The following EPG5 variants were observed in gnomAD, a reference collection of about 807,000 sequenced individuals.
EPG5 encodes ectopic P-granules 5 autophagy tethering factor, also known as ectopic P granules protein 5 homolog.
In EPG5, 159 loss-of-function variants were observed where a neutral mutation model predicts 302.7. The ratio of observed to expected loss-of-function variants is 0.53; its 90% CI spans 0.46 to 0.60. The LOEUF (loss-of-function observed/expected upper bound fraction) is 0.60. EPG5 is among the 20% of genes least tolerant of loss of function. The pLI is 0.00. For synonymous variants in EPG5, 1,158 were observed against 1,136.8 expected (o/e 1.02, Z -0.37); for missense variants, 2,896 against 3,092.4 (o/e 0.94, Z 1.51).
At chr18:45,911,463 T>G (rs1159321623) in intron 22 of EPG5, among the ~76,000 whole-genome samples, 1 of 136,266 alleles carries the variant, frequency 7.3e-6, no homozygotes, top group Non-Finnish European at 1.5e-5. Flanking sequence ...TTTTTTTGTA[T>G]TTTTTTTTTT....
intron 1 of EPG5, among the ~76,000 whole-genome samples, chr18:45,958,848 C>T (rs1050907118): frequency 1.3e-5 from 2 of 152,200 alleles, no homozygotes; most frequent in Non-Finnish European, 2.9e-5. Flanking sequence ...TACCATCAAG[C>T]TCACACCTGG....
At chr18:45,909,841 C>G (rs2049849473) in intron 23 of EPG5, among the ~76,000 whole-genome samples, 1 of 152,190 alleles carries the variant, frequency 6.6e-6, no homozygotes, top group African/African-American at 2.4e-5. Context: ...CACCTGTAGT[C>G]TCAACTGCTC....
Position 45,943,235 on chromosome 18 carries a change from A to G in EPG5, c.1869T>C (p.Leu623=), listed in dbSNP as rs751209508. The G allele has an allele frequency of 2.1e-5, 34 of 1,614,084 alleles. No homozygotes were observed. The highest frequency in any genetic ancestry group is 1.8e-4 in the Admixed American group (11 of 60,004). Residue 623 remains leucine, a synonymous_variant, in exon 9 of 44, where the codon CTT becomes CTC. Coordinates refer to ENST00000282041, the MANE Select transcript of EPG5 (RefSeq NM_020964.3). ...TAAAGGTTTCTAACCCCACAGCCAGAAGTTCCACTAGTGAGTTGGCAAAGG... is the reference window on the plus strand; with the variant it reads ...TAAAGGTTTCTAACCCCACAGCCAGGAGTTCCACTAGTGAGTTGGCAAAGG... The part of the protein sequence containing the change: ...IFAFANSLVE[L]LAVGLETFNR...
the EPG5 span, among the ~76,000 whole-genome samples, chr18:45,824,245 C>T: frequency 1.3e-5 from 2 of 152,158 alleles, no homozygotes; most frequent in East Asian, 1.9e-4. Context: ...CTCGCTCTGT[C>T]GCCCAGGCTG....
chr18:45,857,024 T>C (rs539596404), intron 42 of EPG5, among the ~76,000 whole-genome samples: 1 of 152,264 alleles, frequency 6.6e-6, no homozygotes, highest in African/African-American at 2.4e-5. Context: ...GTTTAAGCAA[T>C]TCTCCTGCCT....
chr18:45,939,672 G>C lies in EPG5; in HGVS notation c.2027C>G (p.Ser676Cys), dbSNP rs771949556. 14 of 1,614,106 alleles carry C rather than the reference G, an allele frequency of 8.7e-6. No homozygotes were observed. The highest frequency in any genetic ancestry group is 7.6e-6 in the Non-Finnish European group (9 of 1,179,994). ...AAATTCAACCTGTAGTTTCTCCATA[G>C]AGTAGGGCTGTTGGGCCAATCCTGA... Reference protein sequence around the residue: ...QGSGLAQQPYSMEKLQVEFDE... With the variant: ...QGSGLAQQPYCMEKLQVEFDE... Residue 676 changes from serine to cysteine, a missense_variant, in exon 10 of 44, where the codon TCT (serine) becomes TGT (cysteine). Around this residue, in one of 5 missense-constraint regions of EPG5, gnomAD observed 1,390 missense variants for 1,430.0 expected, o/e 0.97. Transcript: ENST00000282041.
intron 18 of EPG5, 45 bp downstream of exon 18, chr18:45,916,393 G>T: frequency 6.4e-7 from 1 of 1,553,110 alleles, no homozygotes; most frequent in South Asian, 1.1e-5. Context: ...GGTCTTGGTT[G>T]GGAAGACAGG....
chr18:45,841,274 CCA>C, the EPG5 span, among the ~76,000 whole-genome samples: 4 of 151,876 alleles, frequency 2.6e-5, no homozygotes, highest in African/African-American at 9.7e-5. Context: ...CGGTGGAGTT[CCA>C]GAGAGCAAGC....
chr18:45,867,054 C>T lies in EPG5; in HGVS notation c.6412-47G>A, dbSNP rs749610774. The T allele has an allele frequency of 7.6e-6, 11 of 1,439,736 alleles. No individual in the cohort carries two copies. The Admixed American group carries it at 1.0e-4, about 14-fold the overall frequency. 89.2% of individuals were successfully genotyped at this position (1,439,736 alleles called of 1,614,324 possible). On this transcript the variant is annotated intron_variant, in intron 37 of 43. Coordinates refer to ENST00000282041, the MANE Select transcript of EPG5 (RefSeq NM_020964.3). Reference sequence around the variant, plus strand: ...CTTTAGTTCCAGAGCCCCAATTTTTCCAGAAATATGTGTTGCTAACTAGTC... The same window carrying T: ...CTTTAGTTCCAGAGCCCCAATTTTTTCAGAAATATGTGTTGCTAACTAGTC...
At chr18:45,897,489 T>C (rs1369499915) in intron 27 of EPG5, among the ~76,000 whole-genome samples, 1 of 152,224 alleles carries the variant, frequency 6.6e-6, no homozygotes, top group Non-Finnish European at 1.5e-5. Flanking sequence ...CAAACTTTTC[T>C]CCCAGTTTTA....
At chr18:45,957,513 A>C (rs1568190472) in intron 1 of EPG5, among the ~76,000 whole-genome samples, 1 of 152,268 alleles carries the variant, frequency 6.6e-6, no homozygotes, top group Admixed American at 6.5e-5. Context: ...TCTTAGACTG[A>C]GAAATCAGAA....
chr18:45,915,666 A>G (rs1282177143), intron 19 of EPG5, 45 bp from the exon 20 acceptor site: 1 of 1,407,774 alleles, frequency 7.1e-7, no homozygotes, highest in Non-Finnish European at 1.0e-6. Flanking sequence ...TTTAAGGAAA[A>G]TCTTATCAAT....
chr18:45,869,964 C>T (rs1190078407), intron 36 of EPG5, among the ~76,000 whole-genome samples: 1 of 151,730 alleles, frequency 6.6e-6, no homozygotes, highest in Non-Finnish European at 1.5e-5. Context: ...ACAACAGCTC[C>T]AAATGCCTGA....
intron 1 of EPG5, among the ~76,000 whole-genome samples, chr18:45,958,386 G>A (rs1214565796): frequency 6.6e-6 from 1 of 152,078 alleles, no homozygotes; most frequent in African/African-American, 2.4e-5. Flanking sequence ...TCTTGAAAAA[G>A]AACAAAGTTG....
At chr18:45,838,929 G>T in the EPG5 span, 1 of 1,604,470 alleles carries the variant, frequency 6.2e-7, no homozygotes, top group South Asian at 1.1e-5. Context: ...GCCGCTACAC[G>T]TGTACGGCCG....
rs1297361912 is a variant in EPG5, at chr18:45,953,524, T to G, written c.1008+870A>C. 7 of 985,252 alleles carry G rather than the reference T, an allele frequency of 7.1e-6. No individual in the cohort carries two copies. In the African/African-American group the frequency reaches 1.0e-4, roughly 15 times the overall value. 61.0% of individuals were successfully genotyped at this position (985,252 alleles called of 1,614,324 possible). A position where few individuals can be genotyped will look rare whatever the true frequency, so the allele number is the denominator to read the frequency against. ...GTTTCTCCCCAATATCCCCTCCAGC[T>G]TCCCTTCACTGCCAAACTTGTCAAG... is the stretch of plus-strand genomic sequence containing the variant. On this transcript the variant is annotated intron_variant, in intron 2 of 43. Transcript: ENST00000282041.
At chr18:45,875,820 C>T (rs1260341073) in intron 35 of EPG5, among the ~76,000 whole-genome samples, 1 of 152,046 alleles carries the variant, frequency 6.6e-6, no homozygotes, top group Non-Finnish European at 1.5e-5. Context: ...TTTGGGAGGC[C>T]GAGGCGGGCA....
intron 5 of EPG5, 144 bp from the exon 6 acceptor site, chr18:45,948,720 C>T: frequency 1.6e-6 from 1 of 637,348 alleles, no homozygotes; most frequent in Non-Finnish European, 2.8e-6. Flanking sequence ...TAAAGCACAG[C>T]CCATGGGTTA....
chr18:45,908,119 G>C lies in EPG5; in HGVS notation c.4206-38C>G, dbSNP rs761256560. 3 of 1,447,736 alleles carry C rather than the reference G, an allele frequency of 2.1e-6. No individual in the cohort carries two copies. The Admixed American group carries it at 6.9e-5, about 34-fold the overall frequency. The allele number at this position is 1,447,736 out of a possible 1,614,324, so 89.7% of individuals were successfully genotyped here. ...AACATAATTATACGAAACATAAAAAGATGAGCATACAAACAAAGCTTCTTA... is the reference window on the plus strand; with the variant it reads ...AACATAATTATACGAAACATAAAAACATGAGCATACAAACAAAGCTTCTTA... On this transcript the variant is annotated intron_variant, in intron 23 of 43. Coordinates refer to ENST00000282041, the MANE Select transcript of EPG5 (RefSeq NM_020964.3).
Sources: gnomAD v4.1 joint callset for allele counts (sites outside exome capture counted in the v4.1 genomes callset) on GRCh38, gnomAD v4.1.1 for gene constraint, gnomAD v4.1.1 regional missense constraint, MANE v1.5 for transcripts, NCBI Gene and HGNC (gene_info 2026-07-23, HGNC 2026-07-21) for gene names.